The following GPM6A variants were observed in gnomAD, a reference collection of about 807,000 sequenced individuals.
The protein encoded by GPM6A is glycoprotein M6A.
GPM6A carries 7 observed loss-of-function variants against 32.1 expected under a neutral mutation model. The ratio of observed to expected loss-of-function variants is 0.22; its 90% CI spans 0.12 to 0.41. The LOEUF is 0.41. GPM6A is among the 10% of genes least tolerant of loss of function. The pLI is 1.00. For synonymous variants in GPM6A, 130 were observed against 123.4 expected, an observed-to-expected ratio of 1.05 and a Z score of -0.35; for missense variants, 235 against 347.2, an observed-to-expected ratio of 0.68 and a Z score of 2.57.
chr4:175,648,885 C>T (rs1741623638), intron 4 of GPM6A, among the ~76,000 whole-genome samples: 1 of 152,196 alleles, frequency 6.6e-6, no homozygotes, highest in African/African-American at 2.4e-5. Context: ...ATTTTAAGAT[C>T]AGTTGACTAG....
At chr4:175,709,854 G>A (rs1579411880) in intron 1 of GPM6A, among the ~76,000 whole-genome samples, 1 of 152,024 alleles carries the variant, frequency 6.6e-6, no homozygotes, top group East Asian at 1.9e-4. Context: ...CAGAAGCTCA[G>A]GTTGATAAAG....
intron 2 of GPM6A, among the ~76,000 whole-genome samples, chr4:175,693,647 G>A (rs934911521): frequency 2.7e-4 from 41 of 151,986 alleles, no homozygotes; most frequent in African/African-American, 5.8e-4. Flanking sequence ...GAAATACTTC[G>A]GCTTAAGTCT....
At chr4:175,842,994 A>G (rs1260938406) in intron 1 of GPM6A, among the ~76,000 whole-genome samples, 1 of 151,084 alleles carries the variant, frequency 6.6e-6, no homozygotes, top group East Asian at 1.9e-4. Flanking sequence ...TATATAAATT[A>G]CATATATATT....
intron 1 of GPM6A, among the ~76,000 whole-genome samples, chr4:175,864,059 G>A (rs756568777): frequency 1.1e-3 from 165 of 152,256 alleles, no homozygotes; most frequent in Non-Finnish European, 1.9e-3. Context: ...ATGCTGTGCT[G>A]AGACTTTTTA....
At chr4:175,984,283 C>T (rs944972426) in intron 1 of GPM6A, among the ~76,000 whole-genome samples, 3 of 152,152 alleles carry the variant, frequency 2.0e-5, no homozygotes, top group Non-Finnish European at 4.4e-5. Context: ...CCGCCTCAGC[C>T]TTCCGAGTAG....
intron 3 of GPM6A, among the ~76,000 whole-genome samples, chr4:175,653,450 G>T (rs1179626274): frequency 6.6e-6 from 1 of 152,044 alleles, no homozygotes; most frequent in Non-Finnish European, 1.5e-5. Flanking sequence ...GTCAACATCT[G>T]TCTCAACAAC....
At chr4:175,798,143 C>G (rs1305985189) in intron 1 of GPM6A, among the ~76,000 whole-genome samples, 1 of 152,196 alleles carries the variant, frequency 6.6e-6, no homozygotes, top group Non-Finnish European at 1.5e-5. Flanking sequence ...GTGTAACTTA[C>G]AAAGACAAAT....
chr4:175,784,546 G>A (rs1239943072), intron 1 of GPM6A, among the ~76,000 whole-genome samples: 1 of 152,114 alleles, frequency 6.6e-6, no homozygotes, highest in Non-Finnish European at 1.5e-5. Context: ...TACTATCTTT[G>A]CAATGCTTTT....
intron 1 of GPM6A, among the ~76,000 whole-genome samples, chr4:175,755,788 C>T (rs1732501531): frequency 6.6e-6 from 1 of 152,118 alleles, no homozygotes; most frequent in African/African-American, 2.4e-5. Context: ...AATCCACCTA[C>T]CTAGGTCAAA....
At chr4:175,984,337 G>T (rs1054360959) in intron 1 of GPM6A, among the ~76,000 whole-genome samples, 4 of 151,870 alleles carry the variant, frequency 2.6e-5, no homozygotes, top group African/African-American at 9.7e-5. Context: ...TAATTTTTTT[G>T]TATTTTTAGT....
At chr4:175,887,889 T>C (rs995330482) in intron 1 of GPM6A, among the ~76,000 whole-genome samples, 5 of 151,904 alleles carry the variant, frequency 3.3e-5, no homozygotes, top group African/African-American at 1.2e-4. Flanking sequence ...CAGATATTAT[T>C]AAATAAGGGC....
At chr4:175,725,769 T>A (rs1040305021) in intron 1 of GPM6A, among the ~76,000 whole-genome samples, 1 of 152,278 alleles carries the variant, frequency 6.6e-6, no homozygotes, top group African/African-American at 2.4e-5. Context: ...GATAGTCCAA[T>A]GTCTTGAATC....
At chr4:175,969,571 C>T (rs540800161) in intron 1 of GPM6A, among the ~76,000 whole-genome samples, 4 of 152,102 alleles carry the variant, frequency 2.6e-5, no homozygotes, top group Admixed American at 6.6e-5. Flanking sequence ...ATTATCTGGG[C>T]GTGGTGGTGG....
intron 1 of GPM6A, among the ~76,000 whole-genome samples, chr4:175,927,240 T>C (rs1738871906): frequency 6.6e-6 from 1 of 152,238 alleles, no homozygotes; most frequent in Admixed American, 6.5e-5. Context: ...TGATTCTTTC[T>C]ATTAAGAAAT....
intron 2 of GPM6A, among the ~76,000 whole-genome samples, chr4:175,687,122 A>C (rs1196517170): frequency 6.6e-6 from 1 of 152,202 alleles, no homozygotes; most frequent in Non-Finnish European, 1.5e-5. Context: ...CTACTTTAGA[A>C]TGTTTAGGGT....
chr4:175,996,297 A>C (rs1394669149), intron 1 of GPM6A, among the ~76,000 whole-genome samples: 1 of 152,210 alleles, frequency 6.6e-6, no homozygotes, highest in African/African-American at 2.4e-5. Context: ...AACCTTAGTT[A>C]AATACATCTC....
At chr4:175,803,969 T>G (rs907808873) in intron 1 of GPM6A, among the ~76,000 whole-genome samples, 4 of 102,156 alleles carry the variant, frequency 3.9e-5, no homozygotes, top group African/African-American at 1.1e-4. Context: ...TGTAAAATGG[T>G]TTTTTTTTTT....
rs1294258270 is a variant in GPM6A, at chr4:175,790,478, T to C, written c.37+21713A>G. On this transcript the variant is annotated intron_variant, in intron 1 of 6. Transcript: ENST00000393658. ...CTATTAAGTATCACAAGTATGATTCTTTTTATCCTCTGCCTTAGTTACTGT... is the reference window on the plus strand; with the variant it reads ...CTATTAAGTATCACAAGTATGATTCCTTTTATCCTCTGCCTTAGTTACTGT... The C allele has an allele frequency of 2.6e-5, 4 of 152,228 alleles. No homozygotes were observed. In the East Asian group the frequency reaches 5.8e-4, roughly 22 times the overall value. The allele number at this position is 152,228 out of a possible 1,614,324, so 9.4% of individuals were successfully genotyped here.
In GPM6A at chr4:175,940,043, T is replaced by C. The variant is rs116588463; in HGVS notation, c.-23+62266A>G. Among the ~76,000 whole-genome samples the C allele has an allele frequency of 2.1e-3, 321 of 152,318 alleles. 2 individuals carry two copies. Among genetic ancestry groups the C allele is most frequent in the African/African-American group, 7.1e-3 (295 of 41,576 alleles). The stretch of plus-strand genomic sequence containing the variant: ...GATTAAATAGTGATGCAGTAGTTCA[T>C]TTATTATTTTATAATACAAATATAT... On this transcript the variant is annotated intron_variant, in intron 1 of 7. Coordinates refer to the GPM6A transcript ENST00000280187.
Sources: gnomAD v4.1 joint callset for allele counts (sites outside exome capture counted in the v4.1 genomes callset) on GRCh38, gnomAD v4.1.1 for gene constraint, MANE v1.5 for transcripts, NCBI Gene and HGNC (gene_info 2026-07-23, HGNC 2026-07-21) for gene names.